Variants in SCIMP observed in about 807,000 individuals in gnomAD.
SCIMP encodes SLP adapter and CSK-interacting membrane protein.
In SCIMP, 18 loss-of-function variants were observed where a neutral mutation model predicts 22.0. That is an observed-to-expected ratio of 0.82 (90% CI 0.56 to 1.21). SCIMP has a LOEUF of 1.21. SCIMP is among the 50% of genes most tolerant of loss of function. The pLI, the probability that SCIMP is intolerant of heterozygous loss-of-function variation, is 0.00. For synonymous variants in SCIMP, 53 were observed against 62.2 expected (o/e 0.85, Z 0.70); for missense variants, 155 against 171.2 (o/e 0.91, Z 0.53).
chr17:5,220,905 A>G, intron 3 of SCIMP: 2 of 343,362 alleles, frequency 5.8e-6, no homozygotes, highest in Non-Finnish European at 1.1e-5. Flanking sequence ...TAAAAATACA[A>G]AAATTAGGCA....
chr17:5,231,511 C>G (rs770928938), intron 1 of SCIMP, among the ~76,000 whole-genome samples: 24 of 152,142 alleles, frequency 1.6e-4, no homozygotes, highest in Non-Finnish European at 3.2e-4. Flanking sequence ...CCAAAAACTC[C>G]ATCTTCCATC....
At chr17:5,225,484 G>A (rs2074640643) in intron 1 of SCIMP, among the ~76,000 whole-genome samples, 1 of 151,988 alleles carries the variant, frequency 6.6e-6, no homozygotes, top group Non-Finnish European at 1.5e-5. Context: ...GCAAAGGCTG[G>A]GTGCAGTGGC....
chr17:5,230,765 A>AAAAACAAAAC (rs746736451), intron 1 of SCIMP, among the ~76,000 whole-genome samples: 1 of 152,000 alleles, frequency 6.6e-6, no homozygotes, highest in Admixed American at 6.6e-5. Context: ...TACTGAAAAT[A>AAAAACAAAAC]AAAACAAAAC....
At chr17:5,218,981 G>C (rs980358764) in intron 3 of SCIMP, among the ~76,000 whole-genome samples, 1 of 152,068 alleles carries the variant, frequency 6.6e-6, no homozygotes, top group African/African-American at 2.4e-5. Flanking sequence ...CTCTTGACTG[G>C]CTCCTGGGAA....
chr17:5,221,254 C>G (rs765775837), intron 3 of SCIMP, 33 bp downstream of exon 3: 1 of 1,519,308 alleles, frequency 6.6e-7, no homozygotes, highest in East Asian at 2.3e-5. Context: ...CAGTTCTCAA[C>G]AGTAAAAAGC....
chr17:5,220,048 G>T (rs747965228), intron 3 of SCIMP, among the ~76,000 whole-genome samples: 1 of 152,118 alleles, frequency 6.6e-6, no homozygotes, highest in African/African-American at 2.4e-5. Context: ...GAGCAAAATC[G>T]CTTTTCTGTG....
At chr17:5,227,021 G>C (rs2074654459) in intron 1 of SCIMP, among the ~76,000 whole-genome samples, 1 of 152,048 alleles carries the variant, frequency 6.6e-6, no homozygotes, top group South Asian at 2.1e-4. Flanking sequence ...GCATGACCGA[G>C]TTCAGGCCCT....
At chr17:5,230,741 C>T (rs1007222423) in intron 1 of SCIMP, among the ~76,000 whole-genome samples, 9 of 151,696 alleles carry the variant, frequency 5.9e-5, no homozygotes, top group Non-Finnish European at 8.8e-5. Context: ...GGCAACACAG[C>T]GAGACTTTCT....
At chr17:5,224,532 G>A (rs2074633515) in intron 1 of SCIMP, among the ~76,000 whole-genome samples, 1 of 151,496 alleles carries the variant, frequency 6.6e-6, no homozygotes, top group African/African-American at 2.4e-5. Context: ...GCGCGATCTT[G>A]GCTCACTGCA....
At chr17:5,225,536 G>A (rs929397200) in intron 1 of SCIMP, among the ~76,000 whole-genome samples, 28 of 151,916 alleles carry the variant, frequency 1.8e-4, no homozygotes, top group African/African-American at 2.4e-4. Context: ...TGAGGCAGGC[G>A]GATCACATGA....
intron 1 of SCIMP, 86 bp from the exon 2 acceptor site, chr17:5,223,542 T>G: frequency 7.3e-7 from 1 of 1,368,574 alleles, no homozygotes; most frequent in Non-Finnish European, 1.0e-6. Context: ...TACTGTGGGT[T>G]GTTTTTTTTT....
chr17:5,223,668 G>A, intron 1 of SCIMP: 1 of 486,820 alleles, frequency 2.1e-6, no homozygotes, highest in Non-Finnish European at 3.8e-6. Flanking sequence ...TCCTGCCTCA[G>A]CCTCCAGAGT....
intron 3 of SCIMP, among the ~76,000 whole-genome samples, chr17:5,219,057 C>T (rs2074586186): frequency 1.3e-5 from 2 of 152,294 alleles, no homozygotes; most frequent in South Asian, 2.1e-4. Context: ...TGGTGGCTCA[C>T]GCCTGTAATC....
chr17:5,213,025 C>CTTTTTTTTTTTTTTTTTTTTTTTTTTTT (rs1555612864), intron 4 of SCIMP: 7 of 586,512 alleles, frequency 1.2e-5, no homozygotes, highest in African/African-American at 6.5e-5. Context: ...GTGGTAACTT[C>CTTTTTTTTTTTTTTTTTTTTTTTTTTTT]TGAGCTGACA....
intron 4 of SCIMP, chr17:5,213,147 A>G (rs531520017): frequency 4.6e-4 from 457 of 984,486 alleles, no homozygotes; most frequent in Non-Finnish European, 5.1e-4. Flanking sequence ...GTGACACCCC[A>G]TGTTTCTTTC....
At chr17:5,214,617 G>A (rs1482454295) in intron 4 of SCIMP, 1 of 274,814 alleles carries the variant, frequency 3.6e-6, no homozygotes, top group Non-Finnish European at 6.8e-6. Context: ...GAGGCCGGTG[G>A]ATCACGAGGT....
intron 1 of SCIMP, among the ~76,000 whole-genome samples, chr17:5,231,894 A>C (rs2074698327): frequency 6.6e-6 from 1 of 152,208 alleles, no homozygotes; most frequent in Non-Finnish European, 1.5e-5. Flanking sequence ...CTCTACTTAA[A>C]AAATACAAAA....
In SCIMP at chr17:5,214,925, A is replaced by C. The variant is rs190637662; in HGVS notation, c.283T>G (p.Ser95Ala). ...PRNWPSLEDS[S>A]PQEAPSQPPA... ...ACTGCTACCAGTAAAATATACTTAC[A>C]AGAGTCTTCTAGAGAAGGCCAATTC... Residue 95 changes from serine to alanine, a missense_variant and splice_region_variant, in exon 4 of 5, where the codon TCC becomes GCC. Coordinates refer to ENST00000574081, the MANE Select transcript of SCIMP (RefSeq NM_207103.3). 17 of 1,573,218 alleles carry C rather than the reference A, an allele frequency of 1.1e-5. No individual in the cohort carries two copies. The highest frequency in any genetic ancestry group is 4.0e-5 in the African/African-American group (3 of 74,132).
chr17:5,214,784 G>A, intron 4 of SCIMP, 141 bp downstream of exon 4: 2 of 574,576 alleles, frequency 3.5e-6, no homozygotes, highest in Non-Finnish European at 6.1e-6. Context: ...AGCTTGCAGT[G>A]AGCCGAGATC....
Sources: allele counts gnomAD v4.1 joint callset (sites outside exome capture counted in the v4.1 genomes callset), GRCh38; gene constraint gnomAD v4.1.1; transcripts MANE v1.5; gene names NCBI Gene and HGNC (gene_info 2026-07-23, HGNC 2026-07-21).